LY75: variants seen among roughly 807,000 people sequenced by gnomAD.
LY75 encodes lymphocyte antigen 75.
A neutral mutation model predicts 231.7 loss-of-function variants in LY75; 185 were observed. That is an observed-to-expected ratio of 0.80 (90% CI 0.71 to 0.90). The LOEUF (loss-of-function observed/expected upper bound fraction) is 0.90, where lower values mean the gene tolerates loss of function less well. Among genes scored for constraint, LY75 ranks in the 40% least tolerant of loss-of-function variants. The probability of loss-of-function intolerance (pLI) is 0.00; values close to 1 mark genes in which losing one functional copy is unlikely to be tolerated. For missense variants in LY75, 1,947 were observed against 2,050.2 expected (o/e 0.95, Z 0.97); for synonymous variants, 668 against 689.0 (o/e 0.97, Z 0.48).
At chr2:159,857,146 A>G (rs1684571426) in intron 16 of LY75, among the ~76,000 whole-genome samples, 2 of 152,222 alleles carry the variant, frequency 1.3e-5, no homozygotes, top group African/African-American at 4.8e-5. Context: ...TAACTTAGGC[A>G]TAATTTATCC....
At chr2:159,850,791 T>TATATATAAATAA (rs1553805730) in intron 21 of LY75, among the ~76,000 whole-genome samples, 6 of 94,472 alleles carry the variant, frequency 6.4e-5, no homozygotes, top group African/African-American at 2.4e-4. Flanking sequence ...TATATATATA[T>TATATATAAATAA]ATATATATTA....
chr2:159,857,325 T>A (rs1372078958), intron 16 of LY75, among the ~76,000 whole-genome samples: 2 of 152,230 alleles, frequency 1.3e-5, no homozygotes, highest in Admixed American at 1.3e-4. Flanking sequence ...TTGGGTTCTT[T>A]GAGAACTTGT....
At chr2:159,892,254 T>C (rs766110863) in intron 3 of LY75, among the ~76,000 whole-genome samples, 2 of 152,228 alleles carry the variant, frequency 1.3e-5, no homozygotes, top group Non-Finnish European at 2.9e-5. Flanking sequence ...TTCTGCATTC[T>C]GAAGCTCACA....
intron 28 of LY75, among the ~76,000 whole-genome samples, chr2:159,829,701 T>C (rs1223042526): frequency 1.3e-5 from 2 of 152,190 alleles, no homozygotes; most frequent in African/African-American, 2.4e-5. Flanking sequence ...GTAAATTAAG[T>C]CAGTAAGAAT....
intron 23 of LY75, among the ~76,000 whole-genome samples, chr2:159,843,216 A>C (rs1269293559): frequency 1.3e-5 from 2 of 152,132 alleles, no homozygotes; most frequent in Admixed American, 1.3e-4. Flanking sequence ...AACACAGGTC[A>C]AGCAATAGGA....
rs1270649823 is a variant in LY75, at chr2:159,854,459, G to A, written c.2496C>T (p.Asn832=). The A allele has an allele frequency of 6.2e-7, 1 of 1,613,586 alleles. No homozygotes were observed. The highest frequency in any genetic ancestry group is 2.2e-5 in the East Asian group (1 of 44,886). ...CACAGTACAGGACGGCTTCTTCATA[G>A]TTTAGGTGAAGATCAGCAACAAACC... ...EYWFVADLHL[N]YEEAVLYCAS... is the part of the protein sequence containing the mutation. The change falls in exon 18 of 35, where the codon AAC becomes AAT. Residue 832 remains asparagine, a synonymous_variant. Coordinates refer to ENST00000263636, the MANE Select transcript of LY75 (RefSeq NM_002349.4).
chr2:159,818,215 TCCTTGGAAAGAA>T (rs1683181465), intron 29 of LY75, among the ~76,000 whole-genome samples: 1 of 152,110 alleles, frequency 6.6e-6, no homozygotes, highest in Non-Finnish European at 1.5e-5. Context: ...CATAGTGACT[TCCTTGGAAAGAA>T]GACAGTATGG....
chr2:159,860,871 G>A lies in LY75; in HGVS notation c.2218C>T (p.Pro740Ser), dbSNP rs113498871. 5 of 1,613,914 alleles carry A rather than the reference G, an allele frequency of 3.1e-6. No homozygotes were observed. The highest frequency in any genetic ancestry group is 2.7e-5 in the African/African-American group (2 of 75,026). ...DRTPVSTIIM[P>S]NEFQQDYDIR... The stretch of plus-strand genomic sequence containing the variant: ...TCATAATCCTGCTGAAACTCATTTG[G>A]CATGATAATAGTAGACACCTGAAAA... The change falls in exon 15 of 35, where the codon CCA (proline) becomes TCA (serine). Residue 740 changes from proline to serine, a missense_variant. By Grantham distance (74) the Pro-to-Ser change is moderately conservative. Coordinates refer to ENST00000263636, the MANE Select transcript of LY75 (RefSeq NM_002349.4).
chr2:159,848,905 G>A (rs1222110705), intron 23 of LY75, among the ~76,000 whole-genome samples: 1 of 151,986 alleles, frequency 6.6e-6, no homozygotes, highest in Non-Finnish European at 1.5e-5. Flanking sequence ...ATATCAGAGT[G>A]CATAAATTAT....
At chr2:159,830,853 A>G (rs1683633109) in intron 28 of LY75, among the ~76,000 whole-genome samples, 1 of 152,062 alleles carries the variant, frequency 6.6e-6, no homozygotes, top group Non-Finnish European at 1.5e-5. Context: ...AAGTACTGGG[A>G]TTACAGGCGT....
intron 25 of LY75, among the ~76,000 whole-genome samples, chr2:159,837,254 A>T (rs985196041): frequency 6.6e-6 from 1 of 152,248 alleles, no homozygotes; most frequent in Non-Finnish European, 1.5e-5. Context: ...GTCCATCAGC[A>T]GTGGATTGGA....
At chr2:159,855,334 A>G (rs1684517455) in intron 16 of LY75, among the ~76,000 whole-genome samples, 1 of 152,218 alleles carries the variant, frequency 6.6e-6, no homozygotes, top group Non-Finnish European at 1.5e-5. Context: ...AAGGGAAGTT[A>G]TTCAGGAACC....
chr2:159,877,492 TC>T (rs1685311681), intron 11 of LY75, among the ~76,000 whole-genome samples: 1 of 152,188 alleles, frequency 6.6e-6, no homozygotes, highest in South Asian at 2.1e-4. Flanking sequence ...ATTTCTGAGG[TC>T]CTTTCCGGCT....
At position 159,864,984 on chromosome 2, in the gene LY75, T is replaced by C; in HGVS notation, c.2118-64A>G. ...TTGGCAAAAATATTTAGCACTCACA[T>C]GTCTAATGTGCATCACTAATTGAAA... On this transcript the variant is annotated intron_variant, in intron 13 of 34. Coordinates refer to ENST00000263636, the MANE Select transcript of LY75 (RefSeq NM_002349.4). 2.1e-6 allele frequency: 3 copies of C among 1,434,014 alleles called. No individual in the cohort carries two copies. In the South Asian group the frequency reaches 4.2e-5, roughly 20 times the overall value. The allele number at this position is 1,434,014 out of a possible 1,614,324, so 88.8% of individuals were successfully genotyped here. A position where few individuals can be genotyped will look rare whatever the true frequency, so the allele number is the denominator to read the frequency against.
Position 159,878,645 on chromosome 2 carries a change from G to A in LY75, c.1592C>T (p.Thr531Ile). ...CTGATGGTCACACCTGCTAGTGATA[G>A]TCAGATTGCAGTTTGTTCCAAAAGG... ...EVPFGTNCNL[T>I]ITSRFEQEYL... Residue 531 changes from threonine to isoleucine, a missense_variant, in exon 10 of 35, where the codon ACT becomes ATT. Transcript: ENST00000263636. The A allele has an allele frequency of 6.2e-7, 1 of 1,614,042 alleles. No individual in the cohort carries two copies. Among genetic ancestry groups the A allele is most frequent in the Non-Finnish European group, 8.5e-7 (1 of 1,179,964 alleles).
At chr2:159,818,609 A>G (rs776027808) in intron 29 of LY75, among the ~76,000 whole-genome samples, 1 of 152,184 alleles carries the variant, frequency 6.6e-6, no homozygotes, top group Non-Finnish European at 1.5e-5. Context: ...AAATTTGAAT[A>G]ATGTGTGGAC....
intron 31 of LY75, among the ~76,000 whole-genome samples, chr2:159,813,210 A>G (rs1476420708): frequency 6.6e-6 from 1 of 152,142 alleles, no homozygotes; most frequent in Non-Finnish European, 1.5e-5. Flanking sequence ...TCTTATGTAC[A>G]TGTTTTTGAA....
rs190980318 is a variant in LY75, at chr2:159,810,339, T to C, written c.4699+187A>G. The stretch of plus-strand genomic sequence containing the variant: ...TTTTAATGGCTATTCCAATATTTCA[T>C]TGAGTTCCTATGTCATCAGATACTT... On this transcript the variant is annotated intron_variant, in intron 32 of 34. Transcript: ENST00000263636. Among the ~76,000 whole-genome samples the C allele has an allele frequency of 6.6e-5, 10 of 152,098 alleles. No homozygotes were observed. The East Asian group carries it at 9.6e-4, about 15-fold the overall frequency.
Position 159,815,477 on chromosome 2 carries a change from G to T in LY75, c.4477C>A (p.Pro1493Thr), listed in dbSNP as rs779195428. The change falls in exon 31 of 35, where the codon CCA becomes ACA. Residue 1493 changes from proline (P) to threonine (T), a missense_variant. Coordinates refer to ENST00000263636, the MANE Select transcript of LY75 (RefSeq NM_002349.4). Reference protein sequence around the residue: ...TSPGNCVLLDPKGTWKHEKCN... With the variant: ...TSPGNCVLLDTKGTWKHEKCN... ...TTTTCATGTTTCCAAGTTCCTTTTGGATCCAAGAGAACACAATTTCCAGGA... is the reference window on the plus strand; with the variant it reads ...TTTTCATGTTTCCAAGTTCCTTTTGTATCCAAGAGAACACAATTTCCAGGA... 6.2e-7 allele frequency: 1 copy of T among 1,613,722 alleles called. No individual in the cohort carries two copies. Among genetic ancestry groups the T allele is most frequent in the Non-Finnish European group, 8.5e-7 (1 of 1,179,924 alleles).
Sources: allele counts gnomAD v4.1 joint callset (sites outside exome capture counted in the v4.1 genomes callset), GRCh38; gene constraint gnomAD v4.1.1; transcripts MANE v1.5; gene names NCBI Gene and HGNC (gene_info 2026-07-23, HGNC 2026-07-21).